The following ZNF609 variants were observed in gnomAD, a reference collection of about 807,000 sequenced individuals.
The protein encoded by ZNF609 is zinc finger protein 609.
ZNF609 carries 11 observed loss-of-function variants against 109.5 expected under a neutral mutation model. That is an observed-to-expected ratio of 0.10 (90% CI 0.06 to 0.17). The LOEUF is 0.17. Among genes scored for constraint, ZNF609 ranks in the 10% least tolerant of loss-of-function variants. The pLI is 1.00. For missense variants in ZNF609, 1,559 were observed against 1,772.4 expected, an observed-to-expected ratio of 0.88 and a Z score of 2.16; for synonymous variants, 646 against 662.0, an observed-to-expected ratio of 0.98 and a Z score of 0.37.
intron 2 of ZNF609, among the ~76,000 whole-genome samples, chr15:64,536,859 G>A (rs1201659415): frequency 1.4e-5 from 2 of 145,230 alleles, no homozygotes; most frequent in African/African-American, 2.5e-5. Flanking sequence ...GCAGTGAGCC[G>A]GAATTGTGCC....
chr15:64,603,648 A>G (rs563471789), intron 2 of ZNF609, among the ~76,000 whole-genome samples: 26 of 151,874 alleles, frequency 1.7e-4, no homozygotes, highest in African/African-American at 6.3e-4. Flanking sequence ...TGTGGCCTCT[A>G]TTGCACCTGA....
At chr15:64,590,843 A>C (rs1432359897) in intron 2 of ZNF609, among the ~76,000 whole-genome samples, 2 of 152,132 alleles carry the variant, frequency 1.3e-5, no homozygotes, top group Non-Finnish European at 2.9e-5. Context: ...GTTTGTTGGC[A>C]TTAAAAACAA....
intron 4 of ZNF609, among the ~76,000 whole-genome samples, chr15:64,672,006 CT>C (rs771330218): frequency 1.5e-3 from 133 of 86,756 alleles, no homozygotes; most frequent in South Asian, 3.1e-3. Context: ...GAGGCTTAGA[CT>C]TTTTTTTTTT....
At chr15:64,552,148 A>T (rs1894492867) in intron 2 of ZNF609, among the ~76,000 whole-genome samples, 1 of 152,116 alleles carries the variant, frequency 6.6e-6, no homozygotes, top group Non-Finnish European at 1.5e-5. Flanking sequence ...ATTATCAGTG[A>T]TAAGAGAACA....
At chr15:64,592,896 G>T in intron 2 of ZNF609, 1 of 704,262 alleles carries the variant, frequency 1.4e-6, no homozygotes, top group Non-Finnish European at 2.4e-6. Context: ...CTGGGCAACA[G>T]AGCAAGACTC....
In ZNF609 at chr15:64,504,652, T is replaced by G. The variant is rs1004467565; in HGVS notation, c.747+4486T>G. Among the ~76,000 whole-genome samples the G allele has an allele frequency of 1.4e-4, 21 of 151,722 alleles. No homozygotes were observed. In the East Asian group the frequency reaches 3.9e-3, roughly 28 times the overall value. ...GCCTGGCTAGTTTTTTTTTTTTTTTTTTAATTTTAGTAGGGATAGGGGTTC... is the reference window on the plus strand; with the variant it reads ...GCCTGGCTAGTTTTTTTTTTTTTTTGTTAATTTTAGTAGGGATAGGGGTTC... On this transcript the variant is annotated intron_variant, in intron 2 of 9. Coordinates refer to ENST00000326648, the MANE Select transcript of ZNF609 (RefSeq NM_015042.2).
intron 2 of ZNF609, among the ~76,000 whole-genome samples, chr15:64,527,504 A>G (rs547993328): frequency 6.6e-6 from 1 of 152,210 alleles, no homozygotes; most frequent in South Asian, 2.1e-4. Context: ...TAGTTATAGC[A>G]GTGACTCCCA....
At chr15:64,552,261 A>G (rs956868663) in intron 2 of ZNF609, among the ~76,000 whole-genome samples, 1 of 152,162 alleles carries the variant, frequency 6.6e-6, no homozygotes, top group African/African-American at 2.4e-5. Context: ...AAGGTATTCT[A>G]TTTTATTCCT....
chr15:64,646,653 A>AAAC (rs1896339413), intron 3 of ZNF609, among the ~76,000 whole-genome samples: 1 of 143,206 alleles, frequency 7.0e-6, no homozygotes, highest in African/African-American at 2.6e-5. Context: ...AAAAAAAAAA[A>AAAC]AAAAACTGGG....
At chr15:64,671,017 G>A (rs1283289042) in intron 4 of ZNF609, among the ~76,000 whole-genome samples, 2 of 151,634 alleles carry the variant, frequency 1.3e-5, no homozygotes, top group Non-Finnish European at 2.9e-5. Flanking sequence ...AGACCATCCT[G>A]GCTAACACAG....
chr15:64,617,269 A>G (rs563260789), intron 2 of ZNF609, among the ~76,000 whole-genome samples: 105 of 149,470 alleles, frequency 7.0e-4, no homozygotes, highest in African/African-American at 2.5e-3. Context: ...CAGTCCTCCC[A>G]TTTCAGCCTC....
At chr15:64,602,099 A>G (rs1895506411) in intron 2 of ZNF609, among the ~76,000 whole-genome samples, 1 of 152,140 alleles carries the variant, frequency 6.6e-6, no homozygotes, top group African/African-American at 2.4e-5. Context: ...AATAAATTCT[A>G]ATTATCTTCC....
At chr15:64,635,429 CTCTGT>C (rs1896158608) in intron 3 of ZNF609, among the ~76,000 whole-genome samples, 1 of 152,152 alleles carries the variant, frequency 6.6e-6, no homozygotes, top group African/African-American at 2.4e-5. Context: ...TGTTTTCTTG[CTCTGT>C]TAATAAGGTC....
At chr15:64,473,476 C>T (rs1204762262) in intron 1 of ZNF609, among the ~76,000 whole-genome samples, 6 of 151,920 alleles carry the variant, frequency 3.9e-5, no homozygotes, top group Admixed American at 2.0e-4. Context: ...GGATTACAGG[C>T]ATGAGCCACC....
At chr15:64,641,053 A>G (rs1483735583) in intron 3 of ZNF609, among the ~76,000 whole-genome samples, 2 of 152,058 alleles carry the variant, frequency 1.3e-5, no homozygotes, top group East Asian at 3.9e-4. Flanking sequence ...TCCTGCCTAT[A>G]GTTTTAGCAG....
rs1401372608 is a variant in ZNF609 at position 64,499,855 on chromosome 15, G to C, written c.436G>C (p.Ala146Pro). 1 of 1,614,116 alleles carries C rather than the reference G, an allele frequency of 6.2e-7. No individual in the cohort carries two copies. The highest frequency in any genetic ancestry group is 2.2e-5 in the East Asian group (1 of 44,868). ...TATTGCTCCCAAGGGCTCAGAGAAG[G>C]CGGCTAAGGCATCCCGCAGTGTAGC... ...AAIAPKGSEK[A>P]AKASRSVAGS... Residue 146 changes from alanine (A) to proline (P), a missense_variant, in exon 2 of 10, where the codon GCG (alanine) becomes CCG (proline). Physicochemically the swap from Ala to Pro is conservative, Grantham distance 27. Around this residue, in one of 4 missense-constraint regions of ZNF609, gnomAD observed 291 missense variants for 317.8 expected, o/e 0.92. Coordinates refer to ENST00000326648, the MANE Select transcript of ZNF609 (RefSeq NM_015042.2).
At chr15:64,652,850 A>G (rs1309069062) in intron 3 of ZNF609, 1 of 152,738 alleles carries the variant, frequency 6.5e-6, no homozygotes, top group African/African-American at 2.4e-5. Flanking sequence ...AGATTTTTCT[A>G]TCATTATGCC....
At chr15:64,637,154 T>C (rs966102028) in intron 3 of ZNF609, among the ~76,000 whole-genome samples, 7 of 152,220 alleles carry the variant, frequency 4.6e-5, no homozygotes, top group African/African-American at 1.7e-4. Context: ...ATAGAATCAT[T>C]ACAGTATGAG....
chr15:64,496,159 G>C (rs1420883452), intron 1 of ZNF609, among the ~76,000 whole-genome samples: 1 of 152,032 alleles, frequency 6.6e-6, no homozygotes, highest in Admixed American at 6.6e-5. Flanking sequence ...GGCATACTTT[G>C]TTTATCATGC....
Sources: gnomAD v4.1 joint callset for allele counts (sites outside exome capture counted in the v4.1 genomes callset) on GRCh38, gnomAD v4.1.1 for gene constraint, gnomAD v4.1.1 regional missense constraint, MANE v1.5 for transcripts, NCBI Gene and HGNC (gene_info 2026-07-23, HGNC 2026-07-21) for gene names.